The following ULK2 variants were observed in gnomAD, a reference collection of about 807,000 sequenced individuals.
ULK2 encodes unc-51 like autophagy activating kinase 2.
Under a neutral mutation model 127.5 loss-of-function variants are expected in ULK2, and 76 were observed. The ratio of observed to expected loss-of-function variants is 0.60; its 90% confidence interval spans 0.50 to 0.72. The LOEUF (loss-of-function observed/expected upper bound fraction) is 0.72, where lower values mean the gene tolerates loss of function less well. Ranked by LOEUF, ULK2 falls within the 30% of genes least tolerant of loss-of-function variation. The pLI, the probability that ULK2 is intolerant of heterozygous loss-of-function variation, is 0.00. For synonymous variants in ULK2, 452 were observed against 461.9 expected, an observed-to-expected ratio of 0.98 and a Z score of 0.28; for missense variants, 1,144 against 1,295.9, an observed-to-expected ratio of 0.88 and a Z score of 1.80.
At chr17:19,809,269 T>C (rs1191096040) in intron 14 of ULK2, among the ~76,000 whole-genome samples, 1 of 152,072 alleles carries the variant, frequency 6.6e-6, no homozygotes, top group East Asian at 1.9e-4. Context: ...ATCAGGGCCT[T>C]GAGGGGAAGG....
intron 13 of ULK2, chr17:19,810,778 A>G: frequency 5.2e-6 from 1 of 192,338 alleles, no homozygotes; most frequent in Non-Finnish European, 1.1e-5. Flanking sequence ...CAATGACAAA[A>G]GTTCTGAGAG....
chr17:19,823,977 T>C (rs1156315152), intron 12 of ULK2, among the ~76,000 whole-genome samples: 1 of 152,178 alleles, frequency 6.6e-6, no homozygotes, highest in Non-Finnish European at 1.5e-5. Flanking sequence ...CTGCATGCAA[T>C]AAGTGCTTAC....
rs909467291 is a variant in ULK2, at chr17:19,801,758, G to A, written c.1441+19C>T. ...AGTGAAAAAAAGGTTGAAAACAACT[G>A]TTTTTAAACTCTACTTACCCAAAGG... is the stretch of plus-strand genomic sequence containing the variant. On this transcript the variant is annotated intron_variant, in intron 16 of 26. Transcript: ENST00000395544. 1 of 1,609,110 alleles carries A rather than the reference G, an allele frequency of 6.2e-7. No homozygotes were observed. Among genetic ancestry groups the A allele is most frequent in the Non-Finnish European group, 8.5e-7 (1 of 1,178,900 alleles).
chr17:19,835,445 G>A (rs1339552050), intron 10 of ULK2, among the ~76,000 whole-genome samples: 14 of 151,180 alleles, frequency 9.3e-5, no homozygotes, highest in Admixed American at 2.0e-4. Context: ...GGCCGGGCGC[G>A]GTGGCTCACG....
At chr17:19,855,599 C>CAAAAAAAA (rs72047415) in intron 3 of ULK2, 2 of 33,564 alleles carry the variant, frequency 6.0e-5, no homozygotes, top group African/African-American at 8.7e-5. Context: ...GACTCCATCT[C>CAAAAAAAA]AAAAAAAAAA....
intron 3 of ULK2, chr17:19,855,690 T>C (rs1343173066): frequency 1.3e-5 from 2 of 150,188 alleles, no homozygotes; most frequent in South Asian, 2.1e-4. Flanking sequence ...TCTCAAAACA[T>C]GACAAAGAGC....
chr17:19,829,230 A>AATAT (rs1473722005), intron 10 of ULK2, among the ~76,000 whole-genome samples: 1 of 152,164 alleles, frequency 6.6e-6, no homozygotes, highest in Non-Finnish European at 1.5e-5. Context: ...AACTGTTATA[A>AATAT]AAGACAAAAA....
At chr17:19,806,669 A>G (rs1328982585) in intron 14 of ULK2, among the ~76,000 whole-genome samples, 1 of 152,212 alleles carries the variant, frequency 6.6e-6, no homozygotes, top group African/African-American at 2.4e-5. Context: ...ACAACTTAAT[A>G]TTAACACCAA....
chr17:19,776,293 A>C lies in ULK2; in HGVS notation c.*56T>G. 1 of 1,489,594 alleles carries C rather than the reference A, an allele frequency of 6.7e-7. No homozygotes were observed. Among genetic ancestry groups the C allele is most frequent in the Non-Finnish European group, 9.0e-7 (1 of 1,110,822 alleles). 92.3% of individuals were successfully genotyped at this position (1,489,594 alleles called of 1,614,324 possible). A position where few individuals can be genotyped will look rare whatever the true frequency, so the allele number is the denominator to read the frequency against. ...ATGGGGTGACAGAACTCAAGCTGTA[A>C]TCCCAAAGGCATCACCTCACGTTCC... On this transcript the variant is annotated 3_prime_UTR_variant, in exon 27 of 27. Coordinates refer to ENST00000395544, the MANE Select transcript of ULK2 (RefSeq NM_014683.4).
chr17:19,809,209 G>A (rs1488048422), intron 14 of ULK2, among the ~76,000 whole-genome samples: 1 of 152,108 alleles, frequency 6.6e-6, no homozygotes, highest in Admixed American at 6.5e-5. Flanking sequence ...CTTACATGAG[G>A]TATCTAAAGT....
chr17:19,837,765 C>G (rs2041633499), intron 10 of ULK2, among the ~76,000 whole-genome samples: 1 of 152,180 alleles, frequency 6.6e-6, no homozygotes, highest in South Asian at 2.1e-4. Flanking sequence ...ACCTCCACTA[C>G]TATTACCCTA....
chr17:19,781,242 C>CTTTTTTTTTTTT (rs200296663), intron 23 of ULK2, 138 bp from the exon 24 acceptor site: 33 of 472,110 alleles, frequency 7.0e-5, no homozygotes, highest in African/African-American at 1.7e-4. Context: ...TCTTTCTTTT[C>CTTTTTTTTTTTT]TTTTTTTTTT....
intron 6 of ULK2, among the ~76,000 whole-genome samples, chr17:19,845,949 AAAAAAAAATAC>A (rs1393355752): frequency 6.6e-6 from 1 of 151,314 alleles, no homozygotes; most frequent in African/African-American, 2.4e-5. Flanking sequence ...TCTCTACTGA[AAAAAAAAATAC>A]AAAAAAAATT....
Position 19,810,359 on chromosome 17 carries a change from A to G in ULK2, c.1157+19T>C. 2 of 1,532,344 alleles carry G rather than the reference A, an allele frequency of 1.3e-6. No individual in the cohort carries two copies. The highest frequency in any genetic ancestry group is 1.8e-6 in the Non-Finnish European group (2 of 1,120,682). The allele number at this position is 1,532,344 out of a possible 1,614,324, so 94.9% of individuals were successfully genotyped here. A position where few individuals can be genotyped will look rare whatever the true frequency, so the allele number is the denominator to read the frequency against. On this transcript the variant is annotated intron_variant, in intron 14 of 26. Coordinates refer to ENST00000395544, the MANE Select transcript of ULK2 (RefSeq NM_014683.4). The stretch of plus-strand genomic sequence containing the variant: ...AAAATATAAAACAAATTTTAATAAG[A>G]TAATGTAAATATACATACCCTCCAC...
intron 14 of ULK2, 113 bp downstream of exon 14, chr17:19,810,265 T>C (rs1390142966): frequency 6.9e-6 from 3 of 434,786 alleles, no homozygotes; most frequent in African/African-American, 4.7e-5. Context: ...AAACCAGAAA[T>C]AATGGACTGT....
At chr17:19,823,126 A>ATTTTTTTTTTTTTT (rs3884213) in intron 12 of ULK2, among the ~76,000 whole-genome samples, 12 of 113,148 alleles carry the variant, frequency 1.1e-4, no homozygotes, top group East Asian at 5.4e-4. Flanking sequence ...ACGCCTGGCT[A>ATTTTTTTTTTTTTT]TTTTTTTTTT....
In ULK2 at chr17:19,771,810, A is replaced by C. The variant is rs1233376207; in HGVS notation, c.*4539T>G. 6.6e-6 allele frequency: 1 copy of C among 152,192 alleles called. No individual in the cohort carries two copies. The highest frequency in any genetic ancestry group is 1.5e-5 in the Non-Finnish European group (1 of 68,042). 9.4% of individuals were successfully genotyped at this position (152,192 alleles called of 1,614,324 possible). The stretch of plus-strand genomic sequence containing the variant: ...GCCAAATTGAGTTGCAGAAACCCCA[A>C]AGGAGGCATAGAACACGGTTTCCAA... On this transcript the variant is annotated 3_prime_UTR_variant, in exon 27 of 27. Transcript: ENST00000395544.
chr17:19,822,784 T>TTA (rs2041187836), intron 12 of ULK2, among the ~76,000 whole-genome samples: 1 of 152,082 alleles, frequency 6.6e-6, no homozygotes, highest in Non-Finnish European at 1.5e-5. Flanking sequence ...CCTCCCGGGT[T>TTA]CAAGCGATTC....
chr17:19,792,260 C>G (rs1324979525), intron 20 of ULK2, among the ~76,000 whole-genome samples: 2 of 151,868 alleles, frequency 1.3e-5, no homozygotes, highest in African/African-American at 2.4e-5. Flanking sequence ...ACTAAGAAAA[C>G]AATACAAAAG....
Sources: gnomAD v4.1 joint callset for allele counts (sites outside exome capture counted in the v4.1 genomes callset) on GRCh38, gnomAD v4.1.1 for gene constraint, MANE v1.5 for transcripts, NCBI Gene and HGNC (gene_info 2026-07-23, HGNC 2026-07-21) for gene names.